ANK3: variants seen among roughly 807,000 people sequenced by gnomAD.
ANK3 encodes ankyrin-3.
ANK3 carries 57 observed loss-of-function variants against 370.9 expected under a neutral mutation model. The observed-to-expected ratio is 0.15, with a 90% CI of 0.12 to 0.19. The LOEUF (loss-of-function observed/expected upper bound fraction) is 0.19. Among genes scored for constraint, ANK3 ranks in the 10% least tolerant of loss-of-function variants. The pLI, the probability that ANK3 is intolerant of heterozygous loss-of-function variation, is 1.00. For synonymous variants in ANK3, 1,929 were observed against 1,946.3 expected, an observed-to-expected ratio of 0.99 and a Z score of 0.23; for missense variants, 4,439 against 5,302.1, an observed-to-expected ratio of 0.84 and a Z score of 5.06.
In ANK3 at chr10:60,059,386, G is replaced by C; in HGVS notation, c.12640C>G (p.Gln4214Glu). Residue 4214 changes from glutamine (Q) to glutamate (E), a missense_variant, in exon 41 of 44, where the codon CAA becomes GAA. Gln to Glu is a conservative substitution (Grantham distance 29, BLOSUM62 2). Coordinates refer to ENST00000280772, the MANE Select transcript of ANK3 (RefSeq NM_020987.5). ...AACCCACCAGTTACTCTTCGAGCTT[G>C]AGCGCAGGACTCTAGGTTTCCACTT... ...TSSGNLESCA[Q>E]ARRVTGGLLD... 6.2e-7 allele frequency: 1 copy of C among 1,614,090 alleles called. No homozygotes were observed. The highest frequency in any genetic ancestry group is 8.5e-7 in the Non-Finnish European group (1 of 1,180,000).
At chr10:60,404,127 C>A (rs1269215074) in intron 2 of ANK3, among the ~76,000 whole-genome samples, 1 of 152,050 alleles carries the variant, frequency 6.6e-6, no homozygotes, top group Non-Finnish European at 1.5e-5. Flanking sequence ...ATCTACTACA[C>A]TCAAGGATTG....
At chr10:60,135,408 G>T (rs1047238330) in intron 24 of ANK3, among the ~76,000 whole-genome samples, 1 of 152,214 alleles carries the variant, frequency 6.6e-6, no homozygotes, top group South Asian at 2.1e-4. Context: ...CCTTGGAATA[G>T]AGCTGCAGAA....
At chr10:60,122,963 C>T (rs953973748) in intron 25 of ANK3, among the ~76,000 whole-genome samples, 2 of 152,246 alleles carry the variant, frequency 1.3e-5, no homozygotes, top group Non-Finnish European at 2.9e-5. Context: ...ACAGCACTAC[C>T]ACAACTTACT....
At chr10:60,499,874 T>C (rs915322373) in intron 2 of ANK3, among the ~76,000 whole-genome samples, 2 of 152,238 alleles carry the variant, frequency 1.3e-5, no homozygotes, top group Admixed American at 6.5e-5. Context: ...CAGGACAATC[T>C]GCTTTGTCCA....
chr10:60,055,690 C>T lies in ANK3; in HGVS notation c.13033G>A (p.Glu4345Lys). The T allele has an allele frequency of 6.2e-7, 1 of 1,613,236 alleles. No homozygotes were observed. Residue 4345 changes from glutamate to lysine, a missense_variant, in exon 42 of 44, where the codon GAA becomes AAA. Transcript: ENST00000280772. ...TCAGACCCACTGGACCCCTCTTCTT[C>T]ATGGAGGCTAAGCCTTGGCTTGCCA... Reference protein sequence around the residue: ...ADGKPRLSLHEEEGSSGSEQK... With the variant: ...ADGKPRLSLHKEEGSSGSEQK...
chr10:60,575,429 A>G (rs974093409), intron 2 of ANK3, among the ~76,000 whole-genome samples: 1 of 152,192 alleles, frequency 6.6e-6, no homozygotes, highest in Non-Finnish European at 1.5e-5. Context: ...CTGATGAGGA[A>G]CTTGTGACTT....
At chr10:60,245,595 A>G (rs1156675076) in intron 7 of ANK3, among the ~76,000 whole-genome samples, 2 of 152,210 alleles carry the variant, frequency 1.3e-5, no homozygotes, top group Non-Finnish European at 2.9e-5. Flanking sequence ...ATGAGATTAT[A>G]TAATATGTAA....
chr10:60,464,194 T>C (rs534714889), intron 2 of ANK3, among the ~76,000 whole-genome samples: 1 of 152,152 alleles, frequency 6.6e-6, no homozygotes, highest in African/African-American at 2.4e-5. Context: ...ACAACTTCTA[T>C]CACAGAGCTA....
intron 1 of ANK3, among the ~76,000 whole-genome samples, chr10:60,703,965 C>G (rs774609870): frequency 6.6e-6 from 1 of 152,136 alleles, no homozygotes; most frequent in Non-Finnish European, 1.5e-5. Flanking sequence ...GGAACTGATA[C>G]TGTGTGACTT....
chr10:60,073,225 T>C lies in ANK3; in HGVS notation c.7656A>G (p.Lys2552=). 6.2e-7 allele frequency: 1 copy of C among 1,614,188 alleles called. No homozygotes were observed. Among genetic ancestry groups the C allele is most frequent in the Non-Finnish European group, 8.5e-7 (1 of 1,180,026 alleles). ...LHYSGNVSSP[K]HAMWMRFTED... ...CAGTAAAGCGCATCCACATGGCATG[T>C]TTTGGACTACTAACATTGCCAGAAT... Residue 2552 remains lysine, a synonymous_variant, in exon 37 of 44, where the codon AAA becomes AAG. Coordinates refer to ENST00000280772, the MANE Select transcript of ANK3 (RefSeq NM_020987.5).
chr10:60,462,656 T>C (rs10761503), intron 2 of ANK3, among the ~76,000 whole-genome samples: 34,171 of 150,742 alleles, frequency 0.23, 4,195 homozygotes, highest in East Asian at 0.47. Context: ...AATCTATCCA[T>C]AAAATAAAAT....
At chr10:60,528,997 T>G (rs1298044225) in intron 2 of ANK3, among the ~76,000 whole-genome samples, 1 of 152,096 alleles carries the variant, frequency 6.6e-6, no homozygotes, top group Non-Finnish European at 1.5e-5. Flanking sequence ...TTGCATGAAT[T>G]TCACATTTGA....
chr10:60,131,333 T>C (rs80239880), intron 25 of ANK3, among the ~76,000 whole-genome samples: 1,657 of 152,342 alleles, frequency 0.011, 15 homozygotes, highest in Non-Finnish European at 0.019. Context: ...TATATGCTTA[T>C]TAAACATGCT....
At chr10:60,635,422 A>G (rs950335414) in intron 1 of ANK3, among the ~76,000 whole-genome samples, 1 of 152,130 alleles carries the variant, frequency 6.6e-6, no homozygotes, top group African/African-American at 2.4e-5. Context: ...AAATCTATAA[A>G]ATTAGATTGA....
chr10:60,549,174 CAT>C (rs377132509), intron 2 of ANK3, among the ~76,000 whole-genome samples: 14 of 146,332 alleles, frequency 9.6e-5, no homozygotes, highest in South Asian at 2.2e-4. Context: ...CACACACACA[CAT>C]ACCATCATGT....
At chr10:60,145,817 AG>A (rs1266875635) in intron 23 of ANK3, 11 of 574,800 alleles carry the variant, frequency 1.9e-5, no homozygotes, top group Middle Eastern at 2.7e-4. Flanking sequence ...CTTGAGGGCA[AG>A]GGGGCTTTGT....
chr10:60,565,812 A>G (rs1422533622), intron 2 of ANK3, among the ~76,000 whole-genome samples: 1 of 152,200 alleles, frequency 6.6e-6, no homozygotes, highest in Non-Finnish European at 1.5e-5. Context: ...AATGGAAGTT[A>G]CCACTCCCTC....
At chr10:60,411,385 G>T (rs1182941484) in intron 2 of ANK3, among the ~76,000 whole-genome samples, 1 of 152,198 alleles carries the variant, frequency 6.6e-6, no homozygotes, top group African/African-American at 2.4e-5. Context: ...TGAAGTTGTT[G>T]TGCTATTAAG....
intron 1 of ANK3, among the ~76,000 whole-genome samples, chr10:60,630,310 A>G (rs921445115): frequency 3.9e-5 from 6 of 152,228 alleles, no homozygotes; most frequent in Non-Finnish European, 5.9e-5. Flanking sequence ...ATTAGAGTTA[A>G]TTATAAAGAT....
Sources: gnomAD v4.1 joint callset for allele counts (sites outside exome capture counted in the v4.1 genomes callset) on GRCh38, gnomAD v4.1.1 for gene constraint, MANE v1.5 for transcripts, NCBI Gene and HGNC (gene_info 2026-07-23, HGNC 2026-07-21) for gene names.